The following ANKRD12 variants were observed in gnomAD, a reference collection of about 807,000 sequenced individuals.
ANKRD12 encodes the protein ankyrin repeat domain-containing protein 12.
Under a neutral mutation model 183.4 loss-of-function variants are expected in ANKRD12, and 85 were observed. The observed-to-expected ratio is 0.46, with a 90% CI of 0.39 to 0.56. The LOEUF is 0.56. Ranked by LOEUF, ANKRD12 falls within the 20% of genes least tolerant of loss-of-function variation. The pLI is 0.00. For missense variants in ANKRD12, 2,405 were observed against 2,357.1 expected, an observed-to-expected ratio of 1.02 and a Z score of -0.42; for synonymous variants, 914 against 800.2, an observed-to-expected ratio of 1.14 and a Z score of -2.40.
At chr18:9,185,222 A>G (rs1264920185) in intron 2 of ANKRD12, among the ~76,000 whole-genome samples, 3 of 152,210 alleles carry the variant, frequency 2.0e-5, no homozygotes, top group East Asian at 1.9e-4. Context: ...GTGCCTTGCA[A>G]AGGATCTTGG....
chr18:9,249,817 T>G (rs1371931774), intron 8 of ANKRD12: 1 of 152,086 alleles, frequency 6.6e-6, no homozygotes, highest in Non-Finnish European at 1.5e-5. Context: ...AGTTGGAAAA[T>G]AATAAAGAGA....
At chr18:9,170,156 C>T (rs2032547584) in intron 1 of ANKRD12, among the ~76,000 whole-genome samples, 2 of 152,304 alleles carry the variant, frequency 1.3e-5, no homozygotes, top group South Asian at 2.1e-4. Flanking sequence ...TTTTTTCCTT[C>T]ATTTCAACTT....
At chr18:9,232,795 A>C (rs889231565) in intron 8 of ANKRD12, among the ~76,000 whole-genome samples, 1 of 151,026 alleles carries the variant, frequency 6.6e-6, no homozygotes, top group African/African-American at 2.4e-5. Flanking sequence ...GACTTTGTTC[A>C]TTCTTTTTTT....
intron 1 of ANKRD12, among the ~76,000 whole-genome samples, chr18:9,171,118 G>C (rs1202327067): frequency 6.6e-6 from 1 of 152,182 alleles, no homozygotes; most frequent in Non-Finnish European, 1.5e-5. Flanking sequence ...CGCCCCTACT[G>C]GGGGTGCCTC....
chr18:9,211,810 T>C (rs1339208340), intron 6 of ANKRD12, 26 bp downstream of exon 6: 9 of 1,548,550 alleles, frequency 5.8e-6, no homozygotes, highest in Non-Finnish European at 8.0e-6. Context: ...CAATACCTAC[T>C]ATTCAGGCAC....
chr18:9,246,853 A>G (rs1259990495), intron 8 of ANKRD12, among the ~76,000 whole-genome samples: 1 of 152,202 alleles, frequency 6.6e-6, no homozygotes, highest in Non-Finnish European at 1.5e-5. Context: ...TCCTGTGAGT[A>G]TTAATTCCTA....
At chr18:9,150,899 T>G (rs916520784) in intron 1 of ANKRD12, among the ~76,000 whole-genome samples, 4 of 152,072 alleles carry the variant, frequency 2.6e-5, no homozygotes, top group African/African-American at 7.2e-5. Context: ...GTGATCCACC[T>G]GCCTTGGCCT....
chr18:9,278,233 G>A (rs1358383246), intron 11 of ANKRD12, among the ~76,000 whole-genome samples: 1 of 148,462 alleles, frequency 6.7e-6, no homozygotes, highest in Non-Finnish European at 1.5e-5. Context: ...TAGAGTAGAA[G>A]GTCTCAAGTA....
chr18:9,254,636 A>C lies in ANKRD12; in HGVS notation c.1369A>C (p.Lys457Gln). 6.3e-7 allele frequency: 1 copy of C among 1,578,614 alleles called. No homozygotes were observed. Among genetic ancestry groups the C allele is most frequent in the Non-Finnish European group, 8.6e-7 (1 of 1,166,140 alleles). Residue 457 changes from lysine to glutamine, a missense_variant, in exon 9 of 13, where the codon AAA (lysine) becomes CAA (glutamine). Around this residue, in one of 7 missense-constraint regions of ANKRD12, gnomAD observed 1,983 missense variants for 1,725.9 expected, o/e 1.15. Coordinates refer to ENST00000262126, the MANE Select transcript of ANKRD12 (RefSeq NM_015208.5). ...PETSNSDMQT[K>Q]KEYVVSGEHK... Reference sequence around the variant, plus strand: ...AACATCAAATTCTGATATGCAAACCAAAAAGGAATATGTAGTTTCAGGTGA... The same window carrying C: ...AACATCAAATTCTGATATGCAAACCCAAAAGGAATATGTAGTTTCAGGTGA...
At chr18:9,232,397 A>G (rs1415635639) in intron 8 of ANKRD12, among the ~76,000 whole-genome samples, 2 of 152,150 alleles carry the variant, frequency 1.3e-5, no homozygotes, top group African/African-American at 2.4e-5. Flanking sequence ...TGGATGTAGT[A>G]TCTTTGGGTG....
rs1421220694 is a variant in ANKRD12 at position 9,257,652 on chromosome 18, A to G, written c.4385A>G (p.Asn1462Ser). 1 of 1,613,818 alleles carries G rather than the reference A, an allele frequency of 6.2e-7. No individual in the cohort carries two copies. Among genetic ancestry groups the G allele is most frequent in the Non-Finnish European group, 8.5e-7 (1 of 1,179,964 alleles). ...TCTGAAAATAAGGTATTGAAAGAAA[A>G]TGCTGATTTTTTATCCCTGCGCCAG... ...CNSENKVLKE[N>S]ADFLSLRQTE... is the part of the protein sequence containing the mutation. Residue 1462 changes from asparagine (N) to serine (S), a missense_variant, in exon 9 of 13, where the codon AAT becomes AGT. Transcript: ENST00000262126.
chr18:9,177,829 C>T (rs1323879492), intron 1 of ANKRD12, among the ~76,000 whole-genome samples: 1 of 152,170 alleles, frequency 6.6e-6, no homozygotes, highest in Non-Finnish European at 1.5e-5. Flanking sequence ...GAGAACATCT[C>T]ATTATTAATT....
Position 9,281,045 on chromosome 18 carries a change from A to G in ANKRD12, c.6108A>G (p.Lys2036=), listed in dbSNP as rs1159062903. Reference sequence around the variant, plus strand: ...AGGAACTTGATCCTGCCACCTATAAATCTATCAGCATTTACGAAATCCAGG... The same window carrying G: ...AGGAACTTGATCCTGCCACCTATAAGTCTATCAGCATTTACGAAATCCAGG... The part of the protein sequence containing the change: ...KLQELDPATY[K]SISIYEIQEF... Residue 2036 remains lysine (K), a synonymous_variant, in exon 13 of 13, where the codon AAA becomes AAG. Transcript: ENST00000262126. The G allele has an allele frequency of 3.1e-6, 5 of 1,614,032 alleles. No individual in the cohort carries two copies. Among genetic ancestry groups the G allele is most frequent in the Non-Finnish European group, 3.4e-6 (4 of 1,180,024 alleles).
intron 1 of ANKRD12, among the ~76,000 whole-genome samples, chr18:9,178,220 CTTG>C (rs2033429600): frequency 6.6e-6 from 1 of 152,034 alleles, no homozygotes; most frequent in African/African-American, 2.4e-5. Context: ...CTAAAATACT[CTTG>C]TTTTCTGCTA....
intron 10 of ANKRD12, among the ~76,000 whole-genome samples, chr18:9,264,245 T>C (rs551329681): frequency 5.9e-5 from 9 of 152,344 alleles, no homozygotes; most frequent in South Asian, 2.1e-4. Context: ...AAAATACTTA[T>C]AAAGGCTATG....
chr18:9,283,001 GAAGTT>G lies in ANKRD12; in HGVS notation c.*1881_*1885del, dbSNP rs1011998882. 6.6e-6 allele frequency: 1 copy of G among 152,512 alleles called. No homozygotes were observed. Among genetic ancestry groups the G allele is most frequent in the African/African-American group, 2.4e-5 (1 of 41,402 alleles). 9.4% of individuals were successfully genotyped at this position (152,512 alleles called of 1,614,324 possible). A position where few individuals can be genotyped will look rare whatever the true frequency, so the allele number is the denominator to read the frequency against. ...TAGATTTCGAAGCACTGGTTCTGTT[GAAGTT>G]AAGTTTATTAAGCCTGGGAACATTA... On this transcript the variant is annotated 3_prime_UTR_variant, in exon 13 of 13. Coordinates refer to ENST00000262126, the MANE Select transcript of ANKRD12 (RefSeq NM_015208.5).
rs1413536322 is a variant in ANKRD12, at chr18:9,256,475, T to G, written c.3208T>G (p.Leu1070Val). ...SKDTRPKEKR[L>V]VNDDLMQTSF... ...AGATACCCGACCTAAAGAAAAGAGGTTAGTGAATGATGATTTAATGCAGAC... is the reference window on the plus strand; with the variant it reads ...AGATACCCGACCTAAAGAAAAGAGGGTAGTGAATGATGATTTAATGCAGAC... Residue 1070 changes from leucine (L) to valine (V), a missense_variant, in exon 9 of 13, where the codon TTA becomes GTA. Physicochemically the swap from Leu to Val is conservative, Grantham distance 32. Around this residue, in one of 7 missense-constraint regions of ANKRD12, gnomAD observed 1,983 missense variants for 1,725.9 expected, o/e 1.15. Transcript: ENST00000262126. 5 of 1,612,712 alleles carry G rather than the reference T, an allele frequency of 3.1e-6. No individual in the cohort carries two copies. The Admixed American group carries it at 8.3e-5, about 27-fold the overall frequency.
chr18:9,208,867 T>C, intron 5 of ANKRD12, 64 bp downstream of exon 5: 1 of 1,367,792 alleles, frequency 7.3e-7, no homozygotes, highest in Middle Eastern at 1.9e-4. Context: ...TGTAGTCTCG[T>C]CTTAACAATT....
intron 1 of ANKRD12, among the ~76,000 whole-genome samples, chr18:9,175,889 A>G (rs2144078152): frequency 6.6e-6 from 1 of 152,294 alleles, no homozygotes; most frequent in South Asian, 2.1e-4. Context: ...CTCTGCTAAG[A>G]TAAAATTTTC....
Sources: gnomAD v4.1 joint callset for allele counts (sites outside exome capture counted in the v4.1 genomes callset) on GRCh38, gnomAD v4.1.1 for gene constraint, gnomAD v4.1.1 regional missense constraint, MANE v1.5 for transcripts, NCBI Gene and HGNC (gene_info 2026-07-23, HGNC 2026-07-21) for gene names.